CNTN4: variants seen among roughly 807,000 people sequenced by gnomAD.
CNTN4 encodes contactin 4, also known as contactin-4.
CNTN4 carries 77 observed loss-of-function variants against 122.5 expected under a neutral mutation model. The ratio of observed to expected loss-of-function variants is 0.63; its 90% confidence interval spans 0.52 to 0.76. The LOEUF is 0.76. Among genes scored for constraint, CNTN4 ranks in the 30% least tolerant of loss-of-function variants. The pLI is 0.00. For synonymous variants in CNTN4, 512 were observed against 447.0 expected, an observed-to-expected ratio of 1.15 and a Z score of -1.83; for missense variants, 1,256 against 1,259.1, an observed-to-expected ratio of 1.00 and a Z score of 0.04.
chr3:2,597,857 TACTTCTAAAAGTAA>T (rs1686669219), intron 4 of CNTN4, among the ~76,000 whole-genome samples: 1 of 152,092 alleles, frequency 6.6e-6, no homozygotes, highest in African/African-American at 2.4e-5. Context: ...TGTAGGAGAG[TACTTCTAAAAGTAA>T]ACACATTTGA....
At chr3:2,467,237 G>A (rs1039538951) in intron 3 of CNTN4, among the ~76,000 whole-genome samples, 43 of 147,974 alleles carry the variant, frequency 2.9e-4, no homozygotes, top group African/African-American at 8.7e-4. Context: ...GTGCACTTTT[G>A]CTAATACATT....
chr3:2,714,247 G>A lies in CNTN4; in HGVS notation c.56-21968G>A, dbSNP rs556480317. ...AATATTATTCAGTACTATTTATAAAGCAGGTGAGACTCAGAGTGTAAGTAA... is the reference window on the plus strand; with the variant it reads ...AATATTATTCAGTACTATTTATAAAACAGGTGAGACTCAGAGTGTAAGTAA... On this transcript the variant is annotated intron_variant, in intron 4 of 24. Transcript: ENST00000418658. Among the ~76,000 whole-genome samples the A allele has an allele frequency of 4.6e-5, 7 of 152,176 alleles. 1 individual carries two copies. The South Asian group carries it at 6.2e-4, about 14-fold the overall frequency.
chr3:3,026,055 TCA>T lies in CNTN4; in HGVS notation c.1487-44_1487-43del, dbSNP rs1252022406. 2.6e-6 allele frequency: 4 copies of T among 1,549,662 alleles called. No homozygotes were observed. In the African/African-American group the frequency reaches 5.4e-5, roughly 21 times the overall value. ...GTCTACATTGTATTTCCACACAAGC[TCA>T]CAGACTTTGTTGTTGTTATTGTTTG... On this transcript the variant is annotated intron_variant, in intron 14 of 24. Coordinates refer to ENST00000418658, the MANE Select transcript of CNTN4 (RefSeq NM_175607.3).
rs115340470 is a variant in CNTN4, at chr3:2,972,400, A to G, written c.1359-15945A>G. 5.0e-3 allele frequency among the ~76,000 whole-genome samples: 758 copies of G among 152,240 alleles called. 3 individuals are homozygous for G. The highest frequency in any genetic ancestry group is 0.017 in the African/African-American group (712 of 41,574). On this transcript the variant is annotated intron_variant, in intron 13 of 24. Transcript: ENST00000418658. ...TTCCCGATATTTACCCAATGTAGAC[A>G]TGTCTAACAGTTCTGCATGACTTGA...
In CNTN4 at chr3:2,393,550, A is replaced by G. The variant is rs907252158; in HGVS notation, c.-89+54317A>G. Among the ~76,000 whole-genome samples the G allele has an allele frequency of 4.6e-5, 7 of 152,172 alleles. No individual in the cohort carries two copies. In the South Asian group the frequency reaches 1.5e-3, roughly 32 times the overall value. On this transcript the variant is annotated intron_variant, in intron 3 of 24. Coordinates refer to ENST00000418658, the MANE Select transcript of CNTN4 (RefSeq NM_175607.3). ...TATTATGTATCTTTATTCTAGGGAG[A>G]TATGCACTTAACAAAAATATTAATA...
chr3:2,230,325 G>A (rs563767101), intron 2 of CNTN4, among the ~76,000 whole-genome samples: 48 of 152,296 alleles, frequency 3.2e-4, no homozygotes, highest in African/African-American at 1.0e-3. Context: ...TATACCTTGC[G>A]TGATTTTCCC....
At chr3:2,791,162 T>C (rs1166370232) in intron 6 of CNTN4, among the ~76,000 whole-genome samples, 1 of 152,184 alleles carries the variant, frequency 6.6e-6, no homozygotes, top group East Asian at 1.9e-4. Flanking sequence ...ACTCACAAGA[T>C]TACTGTAAGG....
At chr3:2,575,594 C>T (rs1275410944) in intron 4 of CNTN4, among the ~76,000 whole-genome samples, 1 of 152,118 alleles carries the variant, frequency 6.6e-6, no homozygotes, top group Non-Finnish European at 1.5e-5. Flanking sequence ...GTCAAGAATG[C>T]TCTTGCCTTA....
chr3:2,256,950 T>C (rs1253878381), intron 2 of CNTN4, among the ~76,000 whole-genome samples: 2 of 152,114 alleles, frequency 1.3e-5, no homozygotes, highest in African/African-American at 4.8e-5. Flanking sequence ...TTAAATTTTG[T>C]ATGGAACCAA....
intron 3 of CNTN4, among the ~76,000 whole-genome samples, chr3:2,543,402 G>A (rs1030975677): frequency 4.6e-5 from 7 of 152,080 alleles, no homozygotes; most frequent in African/African-American, 1.7e-4. Flanking sequence ...GAGTCTAAGT[G>A]TAGTCAAGTG....
At chr3:3,003,979 A>G (rs889140280) in intron 14 of CNTN4, among the ~76,000 whole-genome samples, 2 of 152,046 alleles carry the variant, frequency 1.3e-5, no homozygotes, top group African/African-American at 2.4e-5. Context: ...AGGCTAGTCT[A>G]GAACTCCTGG....
At chr3:2,763,073 C>G (rs773838479) in intron 6 of CNTN4, among the ~76,000 whole-genome samples, 1 of 151,756 alleles carries the variant, frequency 6.6e-6, no homozygotes, top group Non-Finnish European at 1.5e-5. Flanking sequence ...TCCCAAGTAG[C>G]TAGGACTACA....
intron 3 of CNTN4, among the ~76,000 whole-genome samples, chr3:2,364,684 A>G (rs531472933): frequency 1.3e-5 from 2 of 152,306 alleles, no homozygotes; most frequent in South Asian, 4.1e-4. Context: ...TTGGGAAATT[A>G]CAAGTAAAAG....
intron 2 of CNTN4, among the ~76,000 whole-genome samples, chr3:2,141,568 T>G (rs1381897861): frequency 6.6e-6 from 1 of 152,188 alleles, no homozygotes; most frequent in East Asian, 1.9e-4. Flanking sequence ...TTGCTTTAAA[T>G]TACTACATTT....
intron 11 of CNTN4, among the ~76,000 whole-genome samples, chr3:2,902,523 G>A (rs1302546907): frequency 1.3e-5 from 2 of 151,992 alleles, no homozygotes; most frequent in East Asian, 1.9e-4. Flanking sequence ...TTTTATTTCC[G>A]AAACCCCCTA....
intron 8 of CNTN4, among the ~76,000 whole-genome samples, chr3:2,871,759 T>G (rs1017117591): frequency 5.9e-5 from 9 of 152,194 alleles, no homozygotes; most frequent in African/African-American, 2.2e-4. Context: ...ATTTAGACAT[T>G]TGCTTCGTTT....
At chr3:2,528,203 A>G (rs1476398426) in intron 3 of CNTN4, among the ~76,000 whole-genome samples, 1 of 152,160 alleles carries the variant, frequency 6.6e-6, no homozygotes, top group Non-Finnish European at 1.5e-5. Context: ...TGTTGATTGG[A>G]CTGCCTCCTT....
At chr3:2,237,447 T>G (rs539527563) in intron 2 of CNTN4, among the ~76,000 whole-genome samples, 1 of 152,168 alleles carries the variant, frequency 6.6e-6, no homozygotes, top group East Asian at 1.9e-4. Flanking sequence ...CACTCCAGAC[T>G]CAGCGACAGA....
At position 3,044,040 on chromosome 3, in the gene CNTN4, T is replaced by TA. The variant is rs764969371; in HGVS notation, c.2811+336_2811+337insA. Among the ~76,000 whole-genome samples the TA allele has an allele frequency of 2.1e-4, 32 of 152,300 alleles. 1 individual carries two copies. Among genetic ancestry groups the TA allele is most frequent in the Admixed American group, 1.6e-3 (24 of 15,292 alleles). On this transcript the variant is annotated intron_variant, in intron 23 of 24. Coordinates refer to ENST00000418658, the MANE Select transcript of CNTN4 (RefSeq NM_175607.3). ...TTGCTCCTGTCTCGGTTTATATATA[T>TA]TTTTTAGTCAACTTAGTAGCCTCCT... is the stretch of plus-strand genomic sequence containing the variant.
Sources: allele counts gnomAD v4.1 joint callset (sites outside exome capture counted in the v4.1 genomes callset), GRCh38; gene constraint gnomAD v4.1.1; transcripts MANE v1.5; gene names NCBI Gene and HGNC (gene_info 2026-07-23, HGNC 2026-07-21).